The following SEMA5B variants were observed in gnomAD, a reference collection of about 807,000 sequenced individuals.
SEMA5B encodes the protein semaphorin-5B.
A neutral mutation model predicts 135.0 loss-of-function variants in SEMA5B; 66 were observed. The observed-to-expected ratio is 0.49, with a 90% CI of 0.40 to 0.60. The LOEUF is 0.60. Among genes scored for constraint, SEMA5B ranks in the 20% least tolerant of loss-of-function variants. SEMA5B has a pLI of 0.00. For missense variants in SEMA5B, 1,501 were observed against 1,566.3 expected (o/e 0.96, Z 0.70); for synonymous variants, 690 against 639.5 (o/e 1.08, Z -1.19).
At chr3:123,014,658 G>A (rs184415830) in intron 1 of SEMA5B, among the ~76,000 whole-genome samples, 3 of 152,358 alleles carry the variant, frequency 2.0e-5, no homozygotes, top group East Asian at 3.9e-4. Context: ...TATACAAGAA[G>A]CACTTGAAGC....
intron 2 of SEMA5B, 34 bp downstream of exon 2, chr3:122,961,106 C>T: frequency 6.4e-7 from 1 of 1,572,540 alleles, no homozygotes; most frequent in Non-Finnish European, 8.7e-7. Flanking sequence ...CTGGTACCTG[C>T]TGCAGCCCCC....
At chr3:123,015,275 T>A (rs931836693) in intron 1 of SEMA5B, among the ~76,000 whole-genome samples, 1 of 152,104 alleles carries the variant, frequency 6.6e-6, no homozygotes, top group African/African-American at 2.4e-5. Flanking sequence ...AAGGTAAAAT[T>A]GGGAAGATGT....
chr3:122,963,800 A>G (rs13064281), intron 1 of SEMA5B, among the ~76,000 whole-genome samples: 45,873 of 152,060 alleles, frequency 0.3, 8,041 homozygotes, highest in African/African-American at 0.49. Context: ...CCCTGTTTCT[A>G]CTTCTCTGTT....
rs950231855 is a variant in SEMA5B at position 122,991,166 on chromosome 3, T to C, written c.-38-29865A>G. Among the ~76,000 whole-genome samples the C allele has an allele frequency of 2.0e-5, 3 of 152,114 alleles. No individual in the cohort carries two copies. In the East Asian group the frequency reaches 5.8e-4, roughly 29 times the overall value. On this transcript the variant is annotated intron_variant, in intron 1 of 22. Coordinates refer to ENST00000357599, the MANE Select transcript of SEMA5B (RefSeq NM_001031702.4). Reference sequence around the variant, plus strand: ...CCGAGCCTCACCACAGCAGTTCCACTAGAAAGAGCTAGAGATTGGTGGAGG... The same window carrying C: ...CCGAGCCTCACCACAGCAGTTCCACCAGAAAGAGCTAGAGATTGGTGGAGG...
intron 1 of SEMA5B, among the ~76,000 whole-genome samples, chr3:122,997,634 C>T (rs572782973): frequency 2.4e-4 from 36 of 152,316 alleles, no homozygotes; most frequent in African/African-American, 8.4e-4. Context: ...AGGACCCAGA[C>T]AAATGCTTGC....
intron 1 of SEMA5B, among the ~76,000 whole-genome samples, chr3:122,986,608 T>TGTGC (rs1450107920): frequency 1.3e-5 from 2 of 151,642 alleles, no homozygotes; most frequent in African/African-American, 4.8e-5. Flanking sequence ...TGTGTGTGTG[T>TGTGC]GTGTGTGTGT....
intron 1 of SEMA5B, among the ~76,000 whole-genome samples, chr3:122,987,363 A>G (rs978316918): frequency 6.6e-6 from 1 of 152,152 alleles, no homozygotes; most frequent in Admixed American, 6.5e-5. Context: ...GGCCTTTTAC[A>G]TGCTGTTTTT....
At chr3:122,933,707 C>G (rs1939096536) in intron 5 of SEMA5B, among the ~76,000 whole-genome samples, 1 of 152,100 alleles carries the variant, frequency 6.6e-6, no homozygotes, top group Admixed American at 6.5e-5. Flanking sequence ...CATTGATCCT[C>G]TAGTTTTCTG....
chr3:123,023,130 A>C (rs957655385), intron 1 of SEMA5B, among the ~76,000 whole-genome samples: 4 of 152,160 alleles, frequency 2.6e-5, no homozygotes, highest in African/African-American at 9.7e-5. Context: ...ACAAGCTATA[A>C]ATGAAGGGCT....
rs541712826 is a variant in SEMA5B, at chr3:122,967,399, GAA to G, written c.-38-6100_-38-6099del. Among the ~76,000 whole-genome samples, 601 of 152,274 alleles carry G rather than the reference GAA, an allele frequency of 3.9e-3. 3 individuals are homozygous for G. The highest frequency in any genetic ancestry group is 0.014 in the African/African-American group (579 of 41,544). ...AATTAACGTGGCATTTCCTAGGAGA[GAA>G]AGAGTAGCAGGTGCTGTTGGTGCCT... is the stretch of plus-strand genomic sequence containing the variant. On this transcript the variant is annotated intron_variant, in intron 1 of 22. Transcript: ENST00000357599.
At chr3:122,965,007 G>A (rs1940757281) in intron 1 of SEMA5B, among the ~76,000 whole-genome samples, 2 of 152,204 alleles carry the variant, frequency 1.3e-5, no homozygotes, top group Non-Finnish European at 2.9e-5. Context: ...GGAGGCTGGT[G>A]TTTGATTCCA....
intron 3 of SEMA5B, among the ~76,000 whole-genome samples, chr3:122,944,484 C>T (rs1315651471): frequency 6.6e-6 from 1 of 152,234 alleles, no homozygotes; most frequent in Non-Finnish European, 1.5e-5. Context: ...TCTCCAGGCT[C>T]AGTCCAGCAC....
chr3:122,992,236 G>T (rs190305616), intron 1 of SEMA5B, among the ~76,000 whole-genome samples: 157 of 152,328 alleles, frequency 1.0e-3, no homozygotes, highest in African/African-American at 3.5e-3. Flanking sequence ...ATAGCAAAGT[G>T]ACTCTGTGAA....
intron 1 of SEMA5B, among the ~76,000 whole-genome samples, chr3:123,014,950 A>C (rs541034614): frequency 6.6e-6 from 1 of 152,234 alleles, no homozygotes; most frequent in African/African-American, 2.4e-5. Flanking sequence ...CCAACCCAAT[A>C]TGACTGGTGT....
intron 1 of SEMA5B, among the ~76,000 whole-genome samples, chr3:122,979,291 G>A (rs566252124): frequency 2.0e-5 from 3 of 152,326 alleles, no homozygotes; most frequent in South Asian, 2.1e-4. Context: ...CTCTGTCTCT[G>A]AGATCGCCTT....
chr3:122,999,639 C>T (rs908289692), intron 1 of SEMA5B, among the ~76,000 whole-genome samples: 2 of 152,094 alleles, frequency 1.3e-5, no homozygotes, highest in African/African-American at 4.8e-5. Context: ...CTGAGGGCAG[C>T]AAGGACCCTC....
intron 1 of SEMA5B, among the ~76,000 whole-genome samples, chr3:122,986,565 T>C (rs902009920): frequency 6.6e-6 from 1 of 151,248 alleles, no homozygotes; most frequent in Non-Finnish European, 1.5e-5. Flanking sequence ...GAGGGGGCAC[T>C]GGGAGATGAG....
chr3:122,916,369 C>G (rs1026414778), intron 12 of SEMA5B, among the ~76,000 whole-genome samples: 1 of 152,218 alleles, frequency 6.6e-6, no homozygotes, highest in Non-Finnish European at 1.5e-5. Flanking sequence ...GTTCTCAACC[C>G]TGGCTGCACA....
intron 1 of SEMA5B, among the ~76,000 whole-genome samples, chr3:123,013,778 G>A (rs981655261): frequency 2.0e-5 from 3 of 152,324 alleles, no homozygotes; most frequent in East Asian, 1.9e-4. Flanking sequence ...CTTTCCCCAC[G>A]GAGTCAAAGA....
Sources: allele counts gnomAD v4.1 joint callset (sites outside exome capture counted in the v4.1 genomes callset), GRCh38; gene constraint gnomAD v4.1.1; transcripts MANE v1.5; gene names NCBI Gene and HGNC (gene_info 2026-07-23, HGNC 2026-07-21).